Variants in SCARB1 observed in about 807,000 individuals in gnomAD.
The protein encoded by SCARB1 is scavenger receptor class B member 1, also known as CD36 and LIMPII analogous 1.
In SCARB1, 30 loss-of-function variants were observed where a neutral mutation model predicts 57.2. The observed-to-expected ratio is 0.52, with a 90% CI of 0.39 to 0.71. The LOEUF is 0.71. SCARB1 is among the 30% of genes least tolerant of loss of function. The pLI is 0.00. For missense variants in SCARB1, 543 were observed against 671.2 expected (o/e 0.81, Z 2.11); for synonymous variants, 249 against 268.3 (o/e 0.93, Z 0.70).
At chr12:124,838,410 C>A (rs1026987744) in intron 1 of SCARB1, among the ~76,000 whole-genome samples, 2 of 152,218 alleles carry the variant, frequency 1.3e-5, no homozygotes, top group Admixed American at 1.3e-4. Context: ...GTGAAGAGGG[C>A]ACCCGGCTAT....
chr12:124,836,799 A>T (rs1951665102), intron 1 of SCARB1, among the ~76,000 whole-genome samples: 1 of 152,200 alleles, frequency 6.6e-6, no homozygotes, highest in Admixed American at 6.5e-5. Flanking sequence ...GTCTCAAAAT[A>T]AAATGAAATA....
chr12:124,823,875 A>G (rs1246727669), intron 1 of SCARB1, among the ~76,000 whole-genome samples: 1 of 152,186 alleles, frequency 6.6e-6, no homozygotes, highest in African/African-American at 2.4e-5. Context: ...TTTTAAAGAA[A>G]GGAATGCGGC....
chr12:124,814,223 G>C lies in SCARB1; in HGVS notation c.609C>G (p.Asp203Glu). Reference protein sequence around the residue: ...KYFPGMFPFKDKFGLFAELNN... With the variant: ...KYFPGMFPFKEKFGLFAELNN... ...GTACCTCAGCAAATAATCCGAACTT[G>C]TCCTTGAAGGGGAACATGCCTGGAA... is the stretch of plus-strand genomic sequence containing the variant. The change falls in exon 4 of 13, where the codon GAC (aspartate) becomes GAG (glutamate). Residue 203 changes from aspartate (D) to glutamate (E), a missense_variant. Asp to Glu is a conservative substitution (Grantham distance 45). Transcript: ENST00000261693. The surrounding 1 kb of genome is among the most constrained non-coding windows in gnomAD (Gnocchi z 4.7). 6.2e-7 allele frequency: 1 copy of C among 1,614,194 alleles called. No individual in the cohort carries two copies. The highest frequency in any genetic ancestry group is 8.5e-7 in the Non-Finnish European group (1 of 1,180,036).
chr12:124,826,919 C>G (rs1459125601), intron 1 of SCARB1, among the ~76,000 whole-genome samples: 1 of 152,114 alleles, frequency 6.6e-6, no homozygotes, highest in Admixed American at 6.6e-5. Flanking sequence ...GAAAAACATT[C>G]AGGGAAATGA....
chr12:124,821,277 C>T, intron 1 of SCARB1: 1 of 553,282 alleles, frequency 1.8e-6, no homozygotes, highest in Non-Finnish European at 2.3e-6. Context: ...CACGCGCACA[C>T]ACACACACGC....
chr12:124,804,782 G>C (rs566687356), intron 7 of SCARB1, among the ~76,000 whole-genome samples: 2 of 152,326 alleles, frequency 1.3e-5, no homozygotes, highest in Admixed American at 1.3e-4. Flanking sequence ...GTCCTTTAGA[G>C]TCGCCATTGC....
rs570476697 is a variant in SCARB1, at chr12:124,794,271, TA to T, written c.1202+923del. ...CAAATCACTGAATTGTGCATTTTAT[TA>T]GGGGGGTTATTTTTTTTATTTTGAA... On this transcript the variant is annotated intron_variant, in intron 9 of 12. Transcript: ENST00000261693. 3.3e-5 allele frequency among the ~76,000 whole-genome samples: 5 copies of T among 151,634 alleles called. No homozygotes were observed. The South Asian group carries it at 1.0e-3, about 32-fold the overall frequency.
In SCARB1 at chr12:124,814,690, C is replaced by G. The variant is rs551816655; in HGVS notation, c.426+283G>C. Among the ~76,000 whole-genome samples the G allele has an allele frequency of 2.8e-4, 43 of 152,328 alleles. No individual in the cohort carries two copies. The highest frequency in any genetic ancestry group is 1.0e-3 in the African/African-American group (42 of 41,578). ...CCAGAGGCGGGCCTGTGGCTCAGCC[C>G]TCAACAAGACAGCCCCTTTTGGAGA... On this transcript the variant is annotated intron_variant, in intron 3 of 12. Coordinates refer to ENST00000261693, the MANE Select transcript of SCARB1 (RefSeq NM_005505.5). The surrounding 1 kb of genome is among the most constrained non-coding windows in gnomAD (Gnocchi z 4.7).
Position 124,854,793 on chromosome 12 carries a change from C to T in SCARB1, c.126+8802G>A, listed in dbSNP as rs189576266. 1.9e-3 allele frequency among the ~76,000 whole-genome samples: 294 copies of T among 152,054 alleles called. 4 individuals are homozygous for T. The highest frequency in any genetic ancestry group is 6.5e-3 in the African/African-American group (270 of 41,442). On this transcript the variant is annotated intron_variant, in intron 1 of 12. Coordinates refer to ENST00000261693, the MANE Select transcript of SCARB1 (RefSeq NM_005505.5). The stretch of plus-strand genomic sequence containing the variant: ...AGCTGGTGGGAGCCACAGGTGTGGC[C>T]GAGGGTGATGAGGAGCCAGCCGGGG...
rs71092225 is a variant in SCARB1, at chr12:124,817,020, ATGTGTGTGTG to A, written c.284+520_284+529del. ...GGTCGGTCCCTGCTCCTGGTCATGC[ATGTGTGTGTG>A]TGTGTGTGTGTGTGTGTGTATGTGT... On this transcript the variant is annotated intron_variant, in intron 2 of 12. Transcript: ENST00000261693. The surrounding 1 kb of genome is among the most constrained non-coding windows in gnomAD (Gnocchi z 4.8). Among the ~76,000 whole-genome samples the A allele has an allele frequency of 2.0e-4, 29 of 146,172 alleles. No individual in the cohort carries two copies. Among genetic ancestry groups the A allele is most frequent in the Middle Eastern group, 6.9e-3 (2 of 290 alleles).
intron 1 of SCARB1, among the ~76,000 whole-genome samples, chr12:124,844,405 T>G (rs959519066): frequency 6.6e-6 from 1 of 152,134 alleles, no homozygotes; most frequent in Admixed American, 6.5e-5. Flanking sequence ...CTGAATCCTA[T>G]AGGAAGGCAT....
chr12:124,812,049 C>T lies in SCARB1; in HGVS notation c.631-84G>A. On this transcript the variant is annotated intron_variant, in intron 4 of 12. Coordinates refer to ENST00000261693, the MANE Select transcript of SCARB1 (RefSeq NM_005505.5). The surrounding 1 kb of genome is among the most constrained non-coding windows in gnomAD (Gnocchi z 4.3). Reference sequence around the variant, plus strand: ...GTCTGAACATTCTGGGCTGAGCCCTCCTCCCCCTCCACCAGAAGGACAGGG... The same window carrying T: ...GTCTGAACATTCTGGGCTGAGCCCTTCTCCCCCTCCACCAGAAGGACAGGG... The T allele has an allele frequency of 4.0e-6, 4 of 1,011,516 alleles. No homozygotes were observed. The highest frequency in any genetic ancestry group is 6.1e-6 in the Non-Finnish European group (4 of 655,276). 62.7% of individuals were successfully genotyped at this position (1,011,516 alleles called of 1,614,324 possible). A position where few individuals can be genotyped will look rare whatever the true frequency, so the allele number is the denominator to read the frequency against.
At chr12:124,779,476 C>T (rs1014256315) in intron 12 of SCARB1, among the ~76,000 whole-genome samples, 3 of 152,002 alleles carry the variant, frequency 2.0e-5, no homozygotes, top group African/African-American at 4.8e-5. Flanking sequence ...GGGCGCAGGA[C>T]GTGGGGAGGG....
chr12:124,839,408 CTATT>C (rs1159427033), intron 1 of SCARB1, among the ~76,000 whole-genome samples: 1 of 152,200 alleles, frequency 6.6e-6, no homozygotes, highest in Non-Finnish European at 1.5e-5. Context: ...AGGCTGAATC[CTATT>C]CCAACGTGTG....
intron 1 of SCARB1, among the ~76,000 whole-genome samples, chr12:124,846,955 A>G (rs2135810950): frequency 6.6e-6 from 1 of 152,210 alleles, no homozygotes; most frequent in Middle Eastern, 3.4e-3. Context: ...CCAAAACCGG[A>G]CCAAACTAAT....
At chr12:124,806,812 A>G (rs933996972) in intron 7 of SCARB1, among the ~76,000 whole-genome samples, 1 of 152,056 alleles carries the variant, frequency 6.6e-6, no homozygotes, top group Non-Finnish European at 1.5e-5. Context: ...TGAGGCAGGA[A>G]GATCGCTTGA....
chr12:124,808,133 T>C (rs779060088), intron 6 of SCARB1, among the ~76,000 whole-genome samples: 1 of 151,914 alleles, frequency 6.6e-6, no homozygotes, highest in East Asian at 1.9e-4. Context: ...CCCACATCAA[T>C]GTATTAGCCG....
At chr12:124,845,239 C>T (rs1338854682) in intron 1 of SCARB1, among the ~76,000 whole-genome samples, 5 of 152,132 alleles carry the variant, frequency 3.3e-5, no homozygotes, top group African/African-American at 1.2e-4. Flanking sequence ...TCCACAGAGG[C>T]GCGGAAAAAC....
chr12:124,802,359 A>G (rs7138386), intron 7 of SCARB1, among the ~76,000 whole-genome samples: 6,919 of 152,206 alleles, frequency 0.045, 270 homozygotes, highest in African/African-American at 0.1. Context: ...AGGTGATGGC[A>G]AGGAGGAAAA....
Sources: allele counts gnomAD v4.1 joint callset (sites outside exome capture counted in the v4.1 genomes callset), GRCh38; gene constraint gnomAD v4.1.1; non-coding constraint Gnocchi (gnomAD v3.1); transcripts MANE v1.5; gene names NCBI Gene and HGNC (gene_info 2026-07-23, HGNC 2026-07-21).